The following TACC1 variants were observed in gnomAD, a reference collection of about 807,000 sequenced individuals.
TACC1 encodes the protein transforming acidic coiled-coil containing protein 1.
TACC1 carries 48 observed loss-of-function variants against 84.4 expected under a neutral mutation model. The observed-to-expected ratio is 0.57, with a 90% CI of 0.45 to 0.72. The LOEUF (loss-of-function observed/expected upper bound fraction) is 0.72. Ranked by LOEUF, TACC1 falls within the 30% of genes least tolerant of loss-of-function variation. The pLI is 0.00. For missense variants in TACC1, 920 were observed against 973.0 expected (o/e 0.95, Z 0.72); for synonymous variants, 372 against 376.3 (o/e 0.99, Z 0.13).
At chr8:38,763,678 G>T (rs1811661635) in intron 3 of TACC1, among the ~76,000 whole-genome samples, 1 of 151,958 alleles carries the variant, frequency 6.6e-6, no homozygotes, top group Non-Finnish European at 1.5e-5. Flanking sequence ...TCAAAAATGG[G>T]GTTCTGCTAT....
At chr8:38,748,886 GA>G (rs1050560486) in intron 3 of TACC1, among the ~76,000 whole-genome samples, 9 of 149,616 alleles carry the variant, frequency 6.0e-5, no homozygotes, top group South Asian at 2.1e-4. Flanking sequence ...TTAAAAAATA[GA>G]AAAAAAAGAG....
chr8:38,733,305 T>C (rs1398026528), intron 1 of TACC1, among the ~76,000 whole-genome samples: 1 of 148,086 alleles, frequency 6.8e-6, no homozygotes, highest in Non-Finnish European at 1.5e-5. Context: ...TTGATCCTCT[T>C]TTTTTTTTTT....
At chr8:38,772,813 T>C (rs1442330818) in intron 3 of TACC1, among the ~76,000 whole-genome samples, 1 of 151,986 alleles carries the variant, frequency 6.6e-6, no homozygotes, top group Non-Finnish European at 1.5e-5. Flanking sequence ...ATATAAACAA[T>C]AAATTGATAC....
At chr8:38,754,995 A>G (rs1490397413) in intron 3 of TACC1, among the ~76,000 whole-genome samples, 1 of 152,170 alleles carries the variant, frequency 6.6e-6, no homozygotes, top group Non-Finnish European at 1.5e-5. Context: ...CCCTGTCTCT[A>G]TTAAAAATAC....
chr8:38,833,332 C>T (rs944430372), intron 6 of TACC1, among the ~76,000 whole-genome samples: 8 of 152,208 alleles, frequency 5.3e-5, no homozygotes, highest in Non-Finnish European at 1.0e-4. Context: ...CTTGGACACC[C>T]CTGTGAAATG....
chr8:38,745,280 C>T (rs780272805), exon 3 of TACC1: 3 of 512,970 alleles, frequency 5.8e-6, no homozygotes, highest in African/African-American at 2.0e-5. Flanking sequence ...CAGTTCAGGC[C>T]CAGCAAGAAA....
intron 1 of TACC1, among the ~76,000 whole-genome samples, chr8:38,731,895 T>G (rs1805002707): frequency 6.6e-6 from 1 of 152,176 alleles, no homozygotes; most frequent in Non-Finnish European, 1.5e-5. Context: ...ACAGATAACT[T>G]GAGGCCAGGA....
At chr8:38,755,573 A>G (rs938618626) in intron 3 of TACC1, among the ~76,000 whole-genome samples, 1 of 151,770 alleles carries the variant, frequency 6.6e-6, no homozygotes, top group Non-Finnish European at 1.5e-5. Context: ...GTGTGGTGGC[A>G]TTCACCTGTG....
chr8:38,800,638 T>C (rs1035935095), intron 2 of TACC1, among the ~76,000 whole-genome samples: 3 of 152,218 alleles, frequency 2.0e-5, no homozygotes, highest in Admixed American at 2.0e-4. Flanking sequence ...ATTGATATAC[T>C]ATATTTTATT....
chr8:38,827,481 G>A, intron 5 of TACC1, 106 bp downstream of exon 5: 1 of 1,183,500 alleles, frequency 8.4e-7, no homozygotes, highest in Admixed American at 2.1e-5. Flanking sequence ...TGGGTCACTT[G>A]AAGGATAGAT....
At chr8:38,809,325 C>T (rs557998055) in intron 2 of TACC1, among the ~76,000 whole-genome samples, 9 of 150,380 alleles carry the variant, frequency 6.0e-5, no homozygotes, top group African/African-American at 1.7e-4. Flanking sequence ...AGATGTGCCA[C>T]GGCTGTTGAC....
chr8:38,764,692 C>T (rs1242557613), intron 3 of TACC1, among the ~76,000 whole-genome samples: 2 of 152,150 alleles, frequency 1.3e-5, no homozygotes, highest in Non-Finnish European at 2.9e-5. Context: ...CTTGGCCGTG[C>T]GCAGTGGCTC....
At chr8:38,738,498 T>C (rs998628672) in intron 1 of TACC1, among the ~76,000 whole-genome samples, 10 of 152,216 alleles carry the variant, frequency 6.6e-5, no homozygotes, top group Admixed American at 6.5e-4. Flanking sequence ...TTGTAGGGGC[T>C]TGTGGATTTC....
At chr8:38,749,686 G>T (rs938406081) in intron 3 of TACC1, among the ~76,000 whole-genome samples, 4 of 152,078 alleles carry the variant, frequency 2.6e-5, no homozygotes, top group Non-Finnish European at 5.9e-5. Flanking sequence ...CTGCCTCCCA[G>T]GTTCAAGCGA....
intron 3 of TACC1, among the ~76,000 whole-genome samples, chr8:38,779,282 T>G (rs1472323535): frequency 6.6e-6 from 1 of 152,198 alleles, no homozygotes; most frequent in Admixed American, 6.5e-5. Flanking sequence ...GCTGAAATGC[T>G]CTTTTTTTAT....
chr8:38,824,867 G>A (rs990397174), intron 3 of TACC1: 3 of 160,838 alleles, frequency 1.9e-5, no homozygotes, highest in African/African-American at 7.2e-5. Flanking sequence ...GACGTCTATG[G>A]CTTTTAGTGC....
intron 2 of TACC1, among the ~76,000 whole-genome samples, chr8:38,798,172 G>A (rs1038556686): frequency 5.3e-5 from 8 of 151,298 alleles, no homozygotes; most frequent in Non-Finnish European, 1.0e-4. Context: ...TGCCCAGGCT[G>A]GAGTGTGGTG....
chr8:38,787,919 C>A (rs1228658008), intron 1 of TACC1, among the ~76,000 whole-genome samples, 176 bp downstream of exon 1: 1 of 152,246 alleles, frequency 6.6e-6, no homozygotes, highest in African/African-American at 2.4e-5. Context: ...TTCTGTCCTC[C>A]CGTGGGGTTT....
intron 2 of TACC1, among the ~76,000 whole-genome samples, chr8:38,809,206 C>G (rs960855785): frequency 2.0e-5 from 3 of 152,074 alleles, no homozygotes; most frequent in African/African-American, 7.2e-5. Context: ...GCATAAATCT[C>G]TTGATTCCCA....
Sources: gnomAD v4.1 joint callset for allele counts (sites outside exome capture counted in the v4.1 genomes callset) on GRCh38, gnomAD v4.1.1 for gene constraint, MANE v1.5 for transcripts, NCBI Gene and HGNC (gene_info 2026-07-23, HGNC 2026-07-21) for gene names.